WWC1: variants seen among roughly 807,000 people sequenced by gnomAD.
The protein encoded by WWC1 is protein KIBRA.
A neutral mutation model predicts 138.4 loss-of-function variants in WWC1; 55 were observed. That is an observed-to-expected ratio of 0.40 (90% confidence interval 0.32 to 0.50). The LOEUF is 0.50. WWC1 is among the 20% of genes least tolerant of loss of function. WWC1 has a pLI of 0.72. For synonymous variants in WWC1, 524 were observed against 564.9 expected (o/e 0.93, Z 1.03); for missense variants, 1,226 against 1,420.4 (o/e 0.86, Z 2.20).
chr5:168,370,720 A>G (rs182479693), intron 1 of WWC1, among the ~76,000 whole-genome samples: 24 of 152,264 alleles, frequency 1.6e-4, no homozygotes, highest in African/African-American at 5.5e-4. Flanking sequence ...TAGTTGAGTG[A>G]TTTGTTTATT....
chr5:168,398,574 T>C (rs1030908774), intron 4 of WWC1, among the ~76,000 whole-genome samples: 2 of 152,370 alleles, frequency 1.3e-5, no homozygotes, highest in South Asian at 2.1e-4. Context: ...CCTTAGGGCA[T>C]AAATATTAGT....
At chr5:168,347,717 A>G (rs1336744845) in intron 1 of WWC1, among the ~76,000 whole-genome samples, 1 of 152,074 alleles carries the variant, frequency 6.6e-6, no homozygotes, top group East Asian at 1.9e-4. Context: ...CCCGAGTGAA[A>G]TTGGAGGCCT....
chr5:168,405,733 T>C (rs951440650), intron 5 of WWC1, among the ~76,000 whole-genome samples: 3 of 150,458 alleles, frequency 2.0e-5, no homozygotes, highest in African/African-American at 7.3e-5. Context: ...TTTCTTTCTT[T>C]TTTTTTTTTT....
chr5:168,347,500 G>A (rs779142075), intron 1 of WWC1, among the ~76,000 whole-genome samples: 5 of 152,324 alleles, frequency 3.3e-5, no homozygotes, highest in East Asian at 1.9e-4. Context: ...AGAAAAGGTC[G>A]TGTGAAGTCC....
At position 168,470,613 on chromosome 5, in the gene WWC1, T is replaced by C. The variant is rs112282853; in HGVS notation, c.*1596T>C. 2 of 151,226 alleles carry C rather than the reference T, an allele frequency of 1.3e-5. No individual in the cohort carries two copies. Among genetic ancestry groups the C allele is most frequent in the Non-Finnish European group, 2.9e-5 (2 of 67,968 alleles). The allele number at this position is 151,226 out of a possible 1,614,324, so 9.4% of individuals were successfully genotyped here. ...ACTTTGGGAGGCTGAGGCGGGCAGATCAACTGAGATCGGGGGTTCGAGACC... is the reference window on the plus strand; with the variant it reads ...ACTTTGGGAGGCTGAGGCGGGCAGACCAACTGAGATCGGGGGTTCGAGACC... On this transcript the variant is annotated 3_prime_UTR_variant, in exon 23 of 23. Transcript: ENST00000265293.
chr5:168,448,820 C>T (rs1755527445), intron 17 of WWC1, among the ~76,000 whole-genome samples: 2 of 151,904 alleles, frequency 1.3e-5, no homozygotes, highest in South Asian at 4.2e-4. Flanking sequence ...GGGGTTTCAC[C>T]GTGTTAGCCA....
At chr5:168,293,063 G>A (rs1267897929) in intron 1 of WWC1, among the ~76,000 whole-genome samples, 1 of 152,216 alleles carries the variant, frequency 6.6e-6, no homozygotes, top group Admixed American at 6.5e-5. Context: ...GCACCAGCGG[G>A]ACCTGACCTT....
chr5:168,309,331 T>C (rs976766526), intron 1 of WWC1, among the ~76,000 whole-genome samples: 2 of 152,136 alleles, frequency 1.3e-5, no homozygotes, highest in Non-Finnish European at 2.9e-5. Context: ...AAATCGAAAA[T>C]TGAATCCAGT....
chr5:168,377,607 G>T (rs1025576094), intron 2 of WWC1, among the ~76,000 whole-genome samples: 5 of 152,070 alleles, frequency 3.3e-5, no homozygotes, highest in African/African-American at 1.2e-4. Flanking sequence ...AACCCCATTA[G>T]AAAGTGAGCA....
At chr5:168,355,903 A>G (rs1743113902) in intron 1 of WWC1, among the ~76,000 whole-genome samples, 1 of 115,166 alleles carries the variant, frequency 8.7e-6, no homozygotes, top group South Asian at 3.3e-4. Context: ...AGAGGCAGAG[A>G]GGGAAGGAAC....
intron 17 of WWC1, among the ~76,000 whole-genome samples, chr5:168,445,794 CTCTG>C (rs1755205647): frequency 6.6e-6 from 1 of 151,634 alleles, no homozygotes; most frequent in African/African-American, 2.4e-5. Context: ...GGCTCCTTTC[CTCTG>C]TCTGCTTTGC....
At chr5:168,391,132 G>A (rs879912880) in intron 3 of WWC1, among the ~76,000 whole-genome samples, 4 of 152,188 alleles carry the variant, frequency 2.6e-5, no homozygotes, top group Non-Finnish European at 5.9e-5. Context: ...CCCTCTAAAA[G>A]GTGAGAACTC....
At chr5:168,315,908 T>A (rs1262638853) in intron 1 of WWC1, among the ~76,000 whole-genome samples, 3 of 152,184 alleles carry the variant, frequency 2.0e-5, no homozygotes, top group African/African-American at 7.2e-5. Flanking sequence ...TGTTTGGGAC[T>A]GCGGTGTCCC....
chr5:168,332,560 T>C (rs966482621), intron 1 of WWC1, among the ~76,000 whole-genome samples: 1 of 152,226 alleles, frequency 6.6e-6, no homozygotes, highest in African/African-American at 2.4e-5. Flanking sequence ...GTGTACCTGC[T>C]GATATGTCTG....
intron 11 of WWC1, among the ~76,000 whole-genome samples, chr5:168,425,478 T>G (rs970943095): frequency 4.0e-5 from 6 of 150,196 alleles, no homozygotes; most frequent in Admixed American, 3.4e-4. Flanking sequence ...GGGAAGTGGG[T>G]GCTATTTTTA....
intron 15 of WWC1, among the ~76,000 whole-genome samples, chr5:168,439,898 T>C (rs1340234630): frequency 6.6e-6 from 1 of 152,212 alleles, no homozygotes; most frequent in Non-Finnish European, 1.5e-5. Flanking sequence ...ATGGCATTTG[T>C]TGTCAATTTT....
At chr5:168,302,010 T>A (rs550550362) in intron 1 of WWC1, among the ~76,000 whole-genome samples, 1 of 152,304 alleles carries the variant, frequency 6.6e-6, no homozygotes, top group South Asian at 2.1e-4. Context: ...AAGCCCTTCT[T>A]TGGAATTTCT....
intron 20 of WWC1, among the ~76,000 whole-genome samples, chr5:168,462,082 A>C (rs917768780): frequency 3.9e-5 from 6 of 151,918 alleles, no homozygotes; most frequent in South Asian, 2.1e-4. Context: ...GAAAGAAAAA[A>C]GGAGAGAGAA....
At chr5:168,425,171 G>C (rs1196297980) in intron 11 of WWC1, among the ~76,000 whole-genome samples, 1 of 152,158 alleles carries the variant, frequency 6.6e-6, no homozygotes, top group Non-Finnish European at 1.5e-5. Flanking sequence ...ATAGGAACCT[G>C]AGTGTTTCTG....
Sources: allele counts gnomAD v4.1 joint callset (sites outside exome capture counted in the v4.1 genomes callset), GRCh38; gene constraint gnomAD v4.1.1; transcripts MANE v1.5; gene names NCBI Gene and HGNC (gene_info 2026-07-23, HGNC 2026-07-21).